SPTA1: variants seen among roughly 807,000 people sequenced by gnomAD.
SPTA1 encodes the protein spectrin alpha chain, erythrocytic 1.
In SPTA1, 177 loss-of-function variants were observed where a neutral mutation model predicts 324.7. The ratio of observed to expected loss-of-function variants is 0.55; its 90% CI spans 0.48 to 0.62. The LOEUF is 0.62. SPTA1 is among the 20% of genes least tolerant of loss of function. The pLI, the probability that SPTA1 is intolerant of heterozygous loss-of-function variation, is 0.00. For missense variants in SPTA1, 3,162 were observed against 2,883.6 expected (o/e 1.10, Z -2.21); for synonymous variants, 1,195 against 1,041.3 (o/e 1.15, Z -2.84).
rs1653286759 is a variant in SPTA1 at position 158,662,419 on chromosome 1, C to G, written c.2464+283G>C. ...ATCTCAGGCATTAACCATGACTGTT[C>G]AAAGACCTTCACAGTTTTAGAGCAC... On this transcript the variant is annotated intron_variant, in intron 17 of 51. Transcript: ENST00000643759. Among the ~76,000 whole-genome samples the G allele has an allele frequency of 2.0e-5, 3 of 152,180 alleles. No homozygotes were observed. In the South Asian group the frequency reaches 6.2e-4, roughly 32 times the overall value.
rs1425875811 is a variant in SPTA1 at position 158,651,518 on chromosome 1, T to C, written c.3376-50A>G. The C allele has an allele frequency of 1.2e-5, 15 of 1,245,388 alleles. No homozygotes were observed. The Admixed American group carries it at 2.5e-4, about 21-fold the overall frequency. The allele number at this position is 1,245,388 out of a possible 1,614,324, so 77.1% of individuals were successfully genotyped here. ...CAGTGTAAATTCATCCAAAGCAGTG[T>C]AAATCCCCTCATCAAGAATCTACCA... On this transcript the variant is annotated intron_variant, in intron 23 of 51. Transcript: ENST00000643759.
rs1651205131 is a variant in SPTA1, at chr1:158,637,933, G to A, written c.5189+100C>T. 2.2e-6 allele frequency: 3 copies of A among 1,378,726 alleles called. No individual in the cohort carries two copies. In the Admixed American group the frequency reaches 5.0e-5, roughly 23 times the overall value. 85.4% of individuals were successfully genotyped at this position (1,378,726 alleles called of 1,614,324 possible). A position where few individuals can be genotyped will look rare whatever the true frequency, so the allele number is the denominator to read the frequency against. On this transcript the variant is annotated intron_variant, in intron 36 of 51. Coordinates refer to ENST00000643759, the MANE Select transcript of SPTA1 (RefSeq NM_003126.4). ...AAACATGAAGTAGTGCTATCTTCAA[G>A]AAACAAGTACAAATTTCATTTCAGC...
chr1:158,625,404 T>G lies in SPTA1; in HGVS notation c.5910+742A>C, dbSNP rs143356265. 7.0e-4 allele frequency among the ~76,000 whole-genome samples: 107 copies of G among 152,194 alleles called. 1 individual carries two copies. Among genetic ancestry groups the G allele is most frequent in the African/African-American group, 2.5e-3 (102 of 41,562 alleles). ...AAAATAATGAAGTATTTAAACAACA[T>G]GATTAAAAATGAAAATCTGGTTGGT... is the stretch of plus-strand genomic sequence containing the variant. On this transcript the variant is annotated intron_variant, in intron 42 of 51. Transcript: ENST00000643759.
rs775074434 is a variant in SPTA1, at chr1:158,677,834, C to A, written c.813G>T (p.Arg271Ser). ...SNAANLQRFK[R>S]DVTEAIQWIK... Reference sequence around the variant, plus strand: ...TCCACTGGATGGCTTCAGTCACATCCCTGCAGTCATTAACAAGAGCTCCAA... The same window carrying A: ...TCCACTGGATGGCTTCAGTCACATCACTGCAGTCATTAACAAGAGCTCCAA... Residue 271 changes from arginine to serine, a missense_variant and splice_region_variant, in exon 7 of 52, where the codon AGG (arginine) becomes AGT (serine). Coordinates refer to ENST00000643759, the MANE Select transcript of SPTA1 (RefSeq NM_003126.4). 6.2e-7 allele frequency: 1 copy of A among 1,613,504 alleles called. No individual in the cohort carries two copies. The highest frequency in any genetic ancestry group is 8.5e-7 in the Non-Finnish European group (1 of 1,179,656).
In SPTA1 at chr1:158,681,672, A is replaced by G; in HGVS notation, c.391-5T>C. 1 of 1,613,542 alleles carries G rather than the reference A, an allele frequency of 6.2e-7. No individual in the cohort carries two copies. The highest frequency in any genetic ancestry group is 1.3e-5 in the African/African-American group (1 of 74,984). On this transcript the variant is annotated splice_polypyrimidine_tract_variant and splice_region_variant and intron_variant, in intron 3 of 51. Coordinates refer to ENST00000643759, the MANE Select transcript of SPTA1 (RefSeq NM_003126.4). ...GCGTAGCTCCTCTATATGGGCCTTTAGGAAAGAGGGGCAAAACCACTCAGC... is the reference window on the plus strand; with the variant it reads ...GCGTAGCTCCTCTATATGGGCCTTTGGGAAAGAGGGGCAAAACCACTCAGC...
intron 47 of SPTA1, 74 bp from the exon 48 acceptor site, chr1:158,615,477 G>A: frequency 7.0e-7 from 1 of 1,434,854 alleles, no homozygotes; most frequent in Non-Finnish European, 9.8e-7. Context: ...TGGAAGAGGA[G>A]ATAACAGGCT....
chr1:158,640,528 G>A (rs1651475744), intron 33 of SPTA1, among the ~76,000 whole-genome samples: 2 of 152,012 alleles, frequency 1.3e-5, no homozygotes, highest in African/African-American at 2.4e-5. Flanking sequence ...ACCAATAACA[G>A]ACAAACAGAG....
At chr1:158,617,486 A>G in intron 47 of SPTA1, 51 bp downstream of exon 47, 1 of 1,497,334 alleles carries the variant, frequency 6.7e-7, no homozygotes, top group Non-Finnish European at 9.3e-7. Context: ...TTATTTTTAC[A>G]CTCCTTATAA....
chr1:158,611,144 CA>C lies in SPTA1; in HGVS notation c.*119del. ...ACACAAACACAAGCACACACACACACACACACACACACACACACACACGAGG... is the reference window on the plus strand; with the variant it reads ...ACACAAACACAAGCACACACACACACCACACACACACACACACACACGAGG... On this transcript the variant is annotated 3_prime_UTR_variant, in exon 52 of 52. Coordinates refer to ENST00000643759, the MANE Select transcript of SPTA1 (RefSeq NM_003126.4). The C allele has an allele frequency of 8.4e-7, 1 of 1,185,158 alleles. No homozygotes were observed. The highest frequency in any genetic ancestry group is 1.2e-6 in the Non-Finnish European group (1 of 806,968). The allele number at this position is 1,185,158 out of a possible 1,614,324, so 73.4% of individuals were successfully genotyped here.
At chr1:158,623,333 G>C (rs1202668985) in intron 42 of SPTA1, 141 bp from the exon 43 acceptor site, 1 of 804,570 alleles carries the variant, frequency 1.2e-6, no homozygotes, top group Non-Finnish European at 2.2e-6. Context: ...ATAACTTAGA[G>C]ATGTAAGCAA....
intron 12 of SPTA1, 87 bp from the exon 13 acceptor site, chr1:158,669,873 A>C (rs1309970627): frequency 7.7e-7 from 1 of 1,300,558 alleles, no homozygotes; most frequent in Middle Eastern, 1.8e-4. Context: ...TTAAAGATGA[A>C]GAACAGCAAT....
chr1:158,623,615 C>T (rs542982129), intron 42 of SPTA1, among the ~76,000 whole-genome samples: 1 of 152,290 alleles, frequency 6.6e-6, no homozygotes, highest in South Asian at 2.1e-4. Flanking sequence ...TTTTGTGCAG[C>T]ACTTCTTTCT....
chr1:158,667,453 A>G (rs1205551569), intron 15 of SPTA1, among the ~76,000 whole-genome samples: 1 of 152,218 alleles, frequency 6.6e-6, no homozygotes, highest in Non-Finnish European at 1.5e-5. Context: ...CACGTGTGAC[A>G]TCAACAATCT....
intron 16 of SPTA1, among the ~76,000 whole-genome samples, chr1:158,664,477 A>G (rs1362356916): frequency 6.6e-6 from 1 of 152,194 alleles, no homozygotes; most frequent in East Asian, 1.9e-4. Flanking sequence ...GAGTTGAACA[A>G]TGACAACACA....
At chr1:158,686,334 G>T (rs988743777) in intron 1 of SPTA1, among the ~76,000 whole-genome samples, 160 bp downstream of exon 1, 1 of 150,078 alleles carries the variant, frequency 6.7e-6, no homozygotes, top group Non-Finnish European at 1.5e-5. Context: ...ATAAGCTCAA[G>T]GTTATTGTTC....
At chr1:158,629,713 T>A (rs1008340637) in intron 39 of SPTA1, among the ~76,000 whole-genome samples, 5 of 151,926 alleles carry the variant, frequency 3.3e-5, no homozygotes, top group Non-Finnish European at 5.9e-5. Context: ...AGAAGTAAAA[T>A]TTTCTTTGTT....
At chr1:158,621,903 G>T (rs891614891) in intron 43 of SPTA1, among the ~76,000 whole-genome samples, 11 of 152,008 alleles carry the variant, frequency 7.2e-5, no homozygotes, top group Admixed American at 2.0e-4. Context: ...TTGCTCTGTC[G>T]CTCAGGCTGG....
chr1:158,675,921 G>A (rs1654359756), intron 8 of SPTA1, among the ~76,000 whole-genome samples: 2 of 152,094 alleles, frequency 1.3e-5, no homozygotes, highest in South Asian at 2.1e-4. Context: ...TTCAAACTGT[G>A]GTTGACTGCT....
At chr1:158,663,538 C>T (rs559578482) in intron 16 of SPTA1, among the ~76,000 whole-genome samples, 1 of 152,138 alleles carries the variant, frequency 6.6e-6, no homozygotes, top group East Asian at 1.9e-4. Flanking sequence ...TTTGAAGGCT[C>T]TTCCTAGAAA....
Sources: allele counts gnomAD v4.1 joint callset (sites outside exome capture counted in the v4.1 genomes callset), GRCh38; gene constraint gnomAD v4.1.1; transcripts MANE v1.5; gene names NCBI Gene and HGNC (gene_info 2026-07-23, HGNC 2026-07-21).